Variants in MAGI2 observed in about 807,000 individuals in gnomAD.
MAGI2 encodes membrane associated guanylate kinase, WW and PDZ domain containing 2, also known as membrane-associated guanylate kinase, WW and PDZ domain-containing protein 2.
MAGI2 carries 35 observed loss-of-function variants against 133.3 expected under a neutral mutation model. That is an observed-to-expected ratio of 0.26 (90% CI 0.20 to 0.35). The LOEUF is 0.35. MAGI2 is among the 10% of genes least tolerant of loss of function. MAGI2 has a pLI of 1.00. For missense variants in MAGI2, 1,636 were observed against 1,863.4 expected (o/e 0.88, Z 2.25); for synonymous variants, 729 against 710.6 (o/e 1.03, Z -0.41).
intron 16 of MAGI2, among the ~76,000 whole-genome samples, chr7:78,152,655 G>A (rs1824001976): frequency 6.6e-6 from 1 of 152,224 alleles, no homozygotes; most frequent in South Asian, 2.1e-4. Flanking sequence ...TGTTGTATAT[G>A]TAGGCTTTCC....
chr7:78,386,808 C>G (rs1795431633), intron 6 of MAGI2, among the ~76,000 whole-genome samples: 1 of 152,082 alleles, frequency 6.6e-6, no homozygotes, highest in Non-Finnish European at 1.5e-5. Context: ...ACAGGGTAGC[C>G]AAACGGAGAG....
intron 10 of MAGI2, among the ~76,000 whole-genome samples, chr7:78,203,037 G>A (rs1332807974): frequency 2.0e-5 from 3 of 152,124 alleles, no homozygotes; most frequent in East Asian, 1.9e-4. Context: ...TTAACCTATT[G>A]GCTGATTGAC....
intron 1 of MAGI2, among the ~76,000 whole-genome samples, chr7:79,174,288 T>G (rs1226510162): frequency 1.3e-5 from 2 of 152,002 alleles, no homozygotes; most frequent in African/African-American, 2.4e-5. Context: ...TGAAACAAAA[T>G]ATAGATGAGT....
intron 1 of MAGI2, among the ~76,000 whole-genome samples, chr7:79,141,420 C>T (rs762145054): frequency 6.6e-6 from 1 of 152,152 alleles, no homozygotes; most frequent in Non-Finnish European, 1.5e-5. Context: ...TCTAAATCCT[C>T]ACCACCTCAT....
chr7:78,213,694 C>G (rs142509293), intron 10 of MAGI2, among the ~76,000 whole-genome samples: 1 of 152,348 alleles, frequency 6.6e-6, no homozygotes, highest in East Asian at 1.9e-4. Flanking sequence ...TGTAACCAAT[C>G]TGAGCTGTAC....
chr7:78,073,794 A>G (rs3779316), intron 21 of MAGI2, among the ~76,000 whole-genome samples: 9,555 of 152,278 alleles, frequency 0.063, 366 homozygotes, highest in South Asian at 0.12. Context: ...TACAACCATG[A>G]TGCATACTTC....
At chr7:78,029,176 C>T (rs996385130) in intron 21 of MAGI2, among the ~76,000 whole-genome samples, 5 of 152,116 alleles carry the variant, frequency 3.3e-5, no homozygotes, top group African/African-American at 4.8e-5. Flanking sequence ...ACTCTGAGGG[C>T]TAAGGGGAGG....
chr7:78,631,001 T>C (rs769655334), intron 2 of MAGI2, among the ~76,000 whole-genome samples: 4 of 151,976 alleles, frequency 2.6e-5, no homozygotes, highest in Non-Finnish European at 5.9e-5. Flanking sequence ...AGACCCCATG[T>C]CTATTTTTGT....
chr7:78,527,827 T>C (rs912419149), intron 3 of MAGI2, among the ~76,000 whole-genome samples: 1 of 152,222 alleles, frequency 6.6e-6, no homozygotes, highest in Non-Finnish European at 1.5e-5. Context: ...TCAATCCTTT[T>C]GGTGTATAAT....
At chr7:79,150,561 T>G (rs546355022) in intron 1 of MAGI2, among the ~76,000 whole-genome samples, 1 of 152,336 alleles carries the variant, frequency 6.6e-6, no homozygotes, top group African/African-American at 2.4e-5. Flanking sequence ...ATCAATATAT[T>G]TAATCACATA....
intron 2 of MAGI2, among the ~76,000 whole-genome samples, chr7:78,972,535 T>C (rs1490645940): frequency 6.6e-6 from 1 of 151,906 alleles, no homozygotes; most frequent in Non-Finnish European, 1.5e-5. Context: ...ACCTATCATT[T>C]GCAAGAATGC....
chr7:78,853,344 T>TCG (rs1793326758), intron 2 of MAGI2, among the ~76,000 whole-genome samples: 2 of 75,480 alleles, frequency 2.6e-5, no homozygotes, highest in African/African-American at 1.0e-4. Flanking sequence ...TTTTTTTTTT[T>TCG]TTTTTTTTTT....
chr7:78,804,107 A>G (rs945719101), intron 2 of MAGI2, among the ~76,000 whole-genome samples: 2 of 152,228 alleles, frequency 1.3e-5, no homozygotes, highest in Admixed American at 1.3e-4. Flanking sequence ...TTTTTACCAC[A>G]GCAAAGTATT....
intron 1 of MAGI2, among the ~76,000 whole-genome samples, chr7:79,316,085 G>A (rs184477036): frequency 2.0e-5 from 3 of 152,188 alleles, no homozygotes; most frequent in African/African-American, 7.2e-5. Context: ...TAAATATAAC[G>A]TAAGCCTCAA....
At chr7:78,981,123 G>A (rs1177895352) in intron 2 of MAGI2, among the ~76,000 whole-genome samples, 1 of 151,318 alleles carries the variant, frequency 6.6e-6, no homozygotes, top group Non-Finnish European at 1.5e-5. Context: ...AAATGTATAT[G>A]TATTTATCTC....
chr7:78,503,723 C>T (rs1282704267), intron 4 of MAGI2, among the ~76,000 whole-genome samples: 2 of 148,590 alleles, frequency 1.3e-5, no homozygotes, highest in Non-Finnish European at 3.0e-5. Context: ...CCTTCCCCTC[C>T]CCACCCTCCT....
At chr7:78,507,395 G>A (rs1795181071) in intron 4 of MAGI2, among the ~76,000 whole-genome samples, 1 of 152,088 alleles carries the variant, frequency 6.6e-6, no homozygotes, top group South Asian at 2.1e-4. Flanking sequence ...TTCCCAGAAG[G>A]GCAAAGTAGA....
intron 2 of MAGI2, among the ~76,000 whole-genome samples, chr7:78,804,700 G>T (rs1788372027): frequency 6.8e-6 from 1 of 147,856 alleles, no homozygotes; most frequent in South Asian, 2.1e-4. Context: ...AGTGAGCCGA[G>T]ATGGCGCCAC....
intron 3 of MAGI2, among the ~76,000 whole-genome samples, chr7:78,607,352 A>G (rs1158172633): frequency 6.6e-6 from 1 of 152,014 alleles, no homozygotes; most frequent in Non-Finnish European, 1.5e-5. Context: ...AATATTATCT[A>G]GTATTCAGTG....
Sources: allele counts gnomAD v4.1 joint callset (sites outside exome capture counted in the v4.1 genomes callset), GRCh38; gene constraint gnomAD v4.1.1; transcripts MANE v1.5; gene names NCBI Gene and HGNC (gene_info 2026-07-23, HGNC 2026-07-21).